Variants in PTGER2 observed in about 807,000 individuals in gnomAD.
The protein encoded by PTGER2 is prostaglandin E receptor 2, also known as prostaglandin E2 receptor EP2 subtype.
PTGER2 carries 22 observed loss-of-function variants against 26.2 expected under a neutral mutation model. That is an observed-to-expected ratio of 0.84 (90% CI 0.60 to 1.20). The LOEUF (loss-of-function observed/expected upper bound fraction) is 1.20. Among genes scored for constraint, PTGER2 ranks in the 50% most tolerant of loss-of-function variants. The pLI, the probability that PTGER2 is intolerant of heterozygous loss-of-function variation, is 0.00. For synonymous variants in PTGER2, 219 were observed against 208.9 expected (o/e 1.05, Z -0.42); for missense variants, 458 against 475.2 (o/e 0.96, Z 0.34).
chr14:52,324,852 G>A (rs1261184811), intron 1 of PTGER2, among the ~76,000 whole-genome samples: 1 of 151,930 alleles, frequency 6.6e-6, no homozygotes, highest in Non-Finnish European at 1.5e-5. Context: ...ATAAAAGAAG[G>A]AACTGGCTGG....
intron 1 of PTGER2, among the ~76,000 whole-genome samples, chr14:52,315,934 A>C (rs540143807): frequency 6.6e-6 from 1 of 152,358 alleles, no homozygotes; most frequent in African/African-American, 2.4e-5. Flanking sequence ...GGGTCCCTGA[A>C]GCAGAAGTTT....
rs752542565 is a variant in PTGER2, at chr14:52,314,985, G to A, written c.437G>A (p.Arg146His). 3 of 1,613,338 alleles carry A rather than the reference G, an allele frequency of 1.9e-6. No individual in the cohort carries two copies. The South Asian group carries it at 3.3e-5, about 18-fold the overall frequency. ...ATCGGGCACCCCTACTTCTACCAGC[G>A]CCGCGTCTCGCGCTCCGGGGGCCTG... ...LSIGHPYFYQ[R>H]RVSRSGGLAV... is the part of the protein sequence containing the mutation. Residue 146 changes from arginine (R) to histidine (H), a missense_variant, in exon 1 of 2, where the codon CGC becomes CAC. Transcript: ENST00000245457. This position sits in a 1 kb window ranked among gnomAD's most constrained non-coding sequence, Gnocchi z 5.7.
chr14:52,319,261 C>A lies in PTGER2; in HGVS notation c.843+3870C>A, dbSNP rs193084264. On this transcript the variant is annotated intron_variant, in intron 1 of 1. Transcript: ENST00000245457. ...CTCAAGGGAGCTGAGCCAGGGCCAA[C>A]TATGTGGTTCCCTTTCTTTTCTCCA... is the stretch of plus-strand genomic sequence containing the variant. Among the ~76,000 whole-genome samples the A allele has an allele frequency of 2.6e-4, 40 of 152,316 alleles. No homozygotes were observed. In the East Asian group the frequency reaches 6.9e-3, roughly 26 times the overall value.
chr14:52,326,845 A>G (rs946404803), intron 1 of PTGER2, among the ~76,000 whole-genome samples: 5 of 152,342 alleles, frequency 3.3e-5, no homozygotes, highest in South Asian at 2.1e-4. Context: ...TGACACATAT[A>G]TTAGGTTATT....
In PTGER2 at chr14:52,315,302, G is replaced by A. The variant is rs764252160; in HGVS notation, c.754G>A (p.Glu252Lys). The A allele has an allele frequency of 4.3e-6, 7 of 1,613,264 alleles. No individual in the cohort carries two copies. The South Asian group carries it at 7.7e-5, about 18-fold the overall frequency. The change falls in exon 1 of 2, where the codon GAA (glutamate) becomes AAA (lysine). Residue 252 changes from glutamate (E) to lysine (K), a missense_variant. By Grantham distance (56) the Glu-to-Lys change is moderately conservative. Coordinates refer to ENST00000245457, the MANE Select transcript of PTGER2 (RefSeq NM_000956.4). ...CGGCCCCGGGGCCCGCAGGAGAGGGGAAAGGGTGTCCATGGCGGAGGAGAC... is the reference window on the plus strand; with the variant it reads ...CGGCCCCGGGGCCCGCAGGAGAGGGAAAAGGGTGTCCATGGCGGAGGAGAC... ...RGGPGARRRG[E>K]RVSMAEETDH...
In PTGER2 at chr14:52,314,764, C is replaced by T. The variant is rs143268571; in HGVS notation, c.216C>T (p.Thr72=). 20 of 1,604,112 alleles carry T rather than the reference C, an allele frequency of 1.2e-5. No homozygotes were observed. The highest frequency in any genetic ancestry group is 1.7e-5 in the Non-Finnish European group (20 of 1,173,160). The change falls in exon 1 of 2, where the codon ACC becomes ACT. Residue 72 remains threonine (T), a synonymous_variant. Coordinates refer to ENST00000245457, the MANE Select transcript of PTGER2 (RefSeq NM_000956.4). This position sits in a 1 kb window ranked among gnomAD's most constrained non-coding sequence, Gnocchi z 5.7. ...SSLSLFHVLV[T]ELVFTDLLGT... is the part of the protein sequence containing the mutation. ...TCTCCTTGTTCCACGTGCTGGTGAC[C>T]GAGCTGGTGTTCACCGACCTGCTCG...
chr14:52,327,395 G>T lies in PTGER2; in HGVS notation c.1018G>T (p.Asp340Tyr). ...TTGTCGGATTTCATTAAGAACACAA[G>T]ATGCAACACAAACTTCCTGTTCTAC... Reference protein sequence around the residue: ...LCCRISLRTQDATQTSCSTQS... With the variant: ...LCCRISLRTQYATQTSCSTQS... The change falls in exon 2 of 2, where the codon GAT becomes TAT. Residue 340 changes from aspartate to tyrosine, a missense_variant. By Grantham distance (160) the Asp-to-Tyr change is radical. Transcript: ENST00000245457. 1 of 1,613,816 alleles carries T rather than the reference G, an allele frequency of 6.2e-7. No homozygotes were observed.
At chr14:52,324,379 G>A (rs546069408) in intron 1 of PTGER2, among the ~76,000 whole-genome samples, 5 of 152,312 alleles carry the variant, frequency 3.3e-5, no homozygotes, top group African/African-American at 1.2e-4. Context: ...TATAGGGGTG[G>A]TCCCTAGTTG....
rs1215144304 is a variant in PTGER2, at chr14:52,314,984, C to T, written c.436C>T (p.Arg146Cys). ...GATCGGGCACCCCTACTTCTACCAG[C>T]GCCGCGTCTCGCGCTCCGGGGGCCT... is the stretch of plus-strand genomic sequence containing the variant. ...LSIGHPYFYQRRVSRSGGLAV... is the reference protein window; with the variant it reads ...LSIGHPYFYQCRVSRSGGLAV... The change falls in exon 1 of 2, where the codon CGC (arginine) becomes TGC (cysteine). Residue 146 changes from arginine (R) to cysteine (C), a missense_variant. Arg to Cys is a radical substitution (Grantham distance 180). Transcript: ENST00000245457. This position sits in a 1 kb window ranked among gnomAD's most constrained non-coding sequence, Gnocchi z 5.7. The T allele has an allele frequency of 6.2e-7, 1 of 1,613,404 alleles. No homozygotes were observed. The highest frequency in any genetic ancestry group is 1.1e-5 in the South Asian group (1 of 91,058).
chr14:52,322,059 G>A (rs968297087), intron 1 of PTGER2, among the ~76,000 whole-genome samples: 3 of 152,204 alleles, frequency 2.0e-5, no homozygotes, highest in Non-Finnish European at 4.4e-5. Context: ...TGATGCCCAT[G>A]GCTCAGCCTA....
At chr14:52,325,694 A>G (rs1329442363) in intron 1 of PTGER2, among the ~76,000 whole-genome samples, 5 of 152,060 alleles carry the variant, frequency 3.3e-5, no homozygotes, top group Non-Finnish European at 5.9e-5. Context: ...GCTTTCCTCT[A>G]CTCTCTGGGA....
chr14:52,314,694 G>A lies in PTGER2; in HGVS notation c.146G>A (p.Arg49His). 6.4e-7 allele frequency: 1 copy of A among 1,552,086 alleles called. No homozygotes were observed. The highest frequency in any genetic ancestry group is 8.7e-7 in the Non-Finnish European group (1 of 1,145,840). The change falls in exon 1 of 2, where the codon CGC (arginine) becomes CAC (histidine). Residue 49 changes from arginine (R) to histidine (H), a missense_variant. Coordinates refer to ENST00000245457, the MANE Select transcript of PTGER2 (RefSeq NM_000956.4). This position sits in a 1 kb window ranked among gnomAD's most constrained non-coding sequence, Gnocchi z 5.7. ...NLIALALLAR[R>H]WRGDVGCSAG... ...ATAGCACTGGCGCTGCTGGCGCGCC[G>A]CTGGCGGGGGGACGTGGGGTGCAGC...
chr14:52,314,794 C>G lies in PTGER2; in HGVS notation c.246C>G (p.Thr82=). Residue 82 remains threonine, a synonymous_variant, in exon 1 of 2, where the codon ACC becomes ACG. Transcript: ENST00000245457. The surrounding 1 kb of genome is among the most constrained non-coding windows in gnomAD (Gnocchi z 5.7). Reference sequence around the variant, plus strand: ...TGGTGTTCACCGACCTGCTCGGGACCTGCCTCATCAGCCCAGTGGTACTGG... The same window carrying G: ...TGGTGTTCACCGACCTGCTCGGGACGTGCCTCATCAGCCCAGTGGTACTGG... ...TELVFTDLLG[T]CLISPVVLAS... is the part of the protein sequence containing the mutation. 1 of 1,612,694 alleles carries G rather than the reference C, an allele frequency of 6.2e-7. No individual in the cohort carries two copies. The highest frequency in any genetic ancestry group is 8.5e-7 in the Non-Finnish European group (1 of 1,179,606).
chr14:52,327,119 A>G (rs2033958307), intron 1 of PTGER2, 102 bp from the exon 2 acceptor site: 1 of 852,008 alleles, frequency 1.2e-6, no homozygotes, highest in Non-Finnish European at 1.8e-6. Flanking sequence ...CCACAGACAA[A>G]ACATGGTTTT....
In PTGER2 at chr14:52,327,334, G is replaced by A; in HGVS notation, c.957G>A (p.Arg319=). ...ACCCTTGGGTCTTTGCCATCCTTAG[G>A]CCTCCTGTTCTGAGACTAATGCGTT... ...IIDPWVFAIL[R]PPVLRLMRSV... is the part of the protein sequence containing the mutation. The change falls in exon 2 of 2, where the codon AGG becomes AGA. Residue 319 remains arginine (R), a synonymous_variant. Coordinates refer to ENST00000245457, the MANE Select transcript of PTGER2 (RefSeq NM_000956.4). The A allele has an allele frequency of 1.2e-6, 2 of 1,612,768 alleles. No homozygotes were observed. The highest frequency in any genetic ancestry group is 8.5e-7 in the Non-Finnish European group (1 of 1,178,914).
At chr14:52,323,054 A>C (rs1317350403) in intron 1 of PTGER2, among the ~76,000 whole-genome samples, 1 of 152,222 alleles carries the variant, frequency 6.6e-6, no homozygotes, top group Non-Finnish European at 1.5e-5. Flanking sequence ...TAAGAGATTA[A>C]AGTAAGACAG....
At chr14:52,320,505 A>G (rs2033884321) in intron 1 of PTGER2, among the ~76,000 whole-genome samples, 1 of 152,144 alleles carries the variant, frequency 6.6e-6, no homozygotes, top group Admixed American at 6.5e-5. Context: ...AAAACCAATC[A>G]CAGTATTAAG....
chr14:52,326,578 T>C (rs1184541206), intron 1 of PTGER2, among the ~76,000 whole-genome samples: 6 of 152,196 alleles, frequency 3.9e-5, no homozygotes, highest in African/African-American at 7.2e-5. Context: ...TATCTTGCCA[T>C]TGATCTCAAA....
chr14:52,318,559 G>T (rs2033864134), intron 1 of PTGER2, among the ~76,000 whole-genome samples: 1 of 152,074 alleles, frequency 6.6e-6, no homozygotes, highest in Non-Finnish European at 1.5e-5. Flanking sequence ...CCTTCCTCAG[G>T]ATAACAAGCT....
Sources: gnomAD v4.1 joint callset for allele counts (sites outside exome capture counted in the v4.1 genomes callset) on GRCh38, gnomAD v4.1.1 for gene constraint, Gnocchi (gnomAD v3.1) non-coding constraint, MANE v1.5 for transcripts, NCBI Gene and HGNC (gene_info 2026-07-23, HGNC 2026-07-21) for gene names.